The following NFIB variants were observed in gnomAD, a reference collection of about 807,000 sequenced individuals.
NFIB encodes nuclear factor 1 B-type.
A neutral mutation model predicts 61.5 loss-of-function variants in NFIB; 11 were observed. The observed-to-expected ratio is 0.18, with a 90% CI of 0.11 to 0.30. NFIB has a LOEUF of 0.30. NFIB is among the 10% of genes least tolerant of loss of function. The pLI, the probability that NFIB is intolerant of heterozygous loss-of-function variation, is 1.00. For missense variants in NFIB, 471 were observed against 608.9 expected, an observed-to-expected ratio of 0.77 and a Z score of 2.38; for synonymous variants, 260 against 216.5, an observed-to-expected ratio of 1.20 and a Z score of -1.76.
At chr9:14,278,375 G>C (rs2058148068) in intron 2 of NFIB, among the ~76,000 whole-genome samples, 2 of 152,208 alleles carry the variant, frequency 1.3e-5, no homozygotes, top group South Asian at 2.1e-4. Flanking sequence ...AGTTTATACA[G>C]CTGCTGTTAT....
At chr9:14,333,281 T>C (rs1281355788) in intron 1 of NFIB, among the ~76,000 whole-genome samples, 3 of 152,204 alleles carry the variant, frequency 2.0e-5, no homozygotes, top group Admixed American at 2.0e-4. Context: ...TTTGTGTGCA[T>C]AGAGAATAAA....
At chr9:14,260,860 T>C (rs1166181048) in intron 2 of NFIB, among the ~76,000 whole-genome samples, 1 of 152,152 alleles carries the variant, frequency 6.6e-6, no homozygotes, top group Non-Finnish European at 1.5e-5. Flanking sequence ...AGGCACTCAG[T>C]TCAGGGAGCT....
intron 6 of NFIB, among the ~76,000 whole-genome samples, chr9:14,135,091 T>TACAA (rs1270072632): frequency 6.6e-6 from 1 of 151,994 alleles, no homozygotes; most frequent in Non-Finnish European, 1.5e-5. Context: ...TACAATGAAA[T>TACAA]ACTAACAGAA....
intron 1 of NFIB, among the ~76,000 whole-genome samples, chr9:14,386,526 C>T (rs922958375): frequency 1.3e-5 from 2 of 152,126 alleles, no homozygotes; most frequent in African/African-American, 4.8e-5. Context: ...CAATAATTCC[C>T]ACATTATTTA....
intron 10 of NFIB, among the ~76,000 whole-genome samples, chr9:14,089,124 A>C (rs769576408): frequency 6.6e-6 from 1 of 152,096 alleles, no homozygotes; most frequent in Non-Finnish European, 1.5e-5. Context: ...ACTTACTTTT[A>C]GAGAGAGCCA....
At chr9:14,425,057 G>T in the NFIB span, among the ~76,000 whole-genome samples, 4 of 152,298 alleles carry the variant, frequency 2.6e-5, no homozygotes, top group Non-Finnish European at 5.9e-5. Flanking sequence ...AATTCCTACA[G>T]AAGGCCTTGG....
upstream of NFIB, among the ~76,000 whole-genome samples, chr9:14,315,886 G>T (rs978986253): frequency 2.0e-5 from 3 of 151,664 alleles, no homozygotes; most frequent in Admixed American, 1.3e-4. Flanking sequence ...GATCCGGGGG[G>T]CGCTGGGGCT....
At chr9:14,380,802 T>A (rs780243521) in intron 1 of NFIB, among the ~76,000 whole-genome samples, 3 of 151,548 alleles carry the variant, frequency 2.0e-5, no homozygotes, top group Non-Finnish European at 4.4e-5. Flanking sequence ...CTAAAAAGAG[T>A]CTCAGTGACT....
chr9:14,341,167 G>A (rs1027509665), intron 1 of NFIB, among the ~76,000 whole-genome samples: 12 of 152,166 alleles, frequency 7.9e-5, no homozygotes, highest in African/African-American at 1.9e-4. Context: ...GGCATCACAC[G>A]TTGTGGTCTT....
chr9:14,215,150 G>C (rs2050724224), intron 2 of NFIB, among the ~76,000 whole-genome samples: 1 of 141,866 alleles, frequency 7.0e-6, no homozygotes, highest in Non-Finnish European at 1.5e-5. Context: ...GCTTAGCAGA[G>C]CAAGAAATGG....
At position 14,082,660 on chromosome 9, in the gene NFIB, T is replaced by G. The variant is rs1442611981; in HGVS notation, c.*5649A>C. 1 of 194,108 alleles carries G rather than the reference T, an allele frequency of 5.2e-6. No homozygotes were observed. Among genetic ancestry groups the G allele is most frequent in the Non-Finnish European group, 1.0e-5 (1 of 96,712 alleles). The allele number at this position is 194,108 out of a possible 1,614,324, so 12.0% of individuals were successfully genotyped here. A position where few individuals can be genotyped will look rare whatever the true frequency, so the allele number is the denominator to read the frequency against. On this transcript the variant is annotated 3_prime_UTR_variant, in exon 11 of 11. Transcript: ENST00000380953. Reference sequence around the variant, plus strand: ...ATTTGTTTGAGTTTTTTGGTAAACATTTTGCTGGTTTTTTTTTTTTGTTTG... The same window carrying G: ...ATTTGTTTGAGTTTTTTGGTAAACAGTTTGCTGGTTTTTTTTTTTTGTTTG...
chr9:14,299,843 A>G (rs981177102), intron 2 of NFIB, among the ~76,000 whole-genome samples: 2 of 152,184 alleles, frequency 1.3e-5, no homozygotes, highest in Non-Finnish European at 2.9e-5. Flanking sequence ...CCATTTTAGA[A>G]CAATTAAATT....
chr9:14,344,665 T>C (rs554864160), intron 1 of NFIB, among the ~76,000 whole-genome samples: 1 of 152,248 alleles, frequency 6.6e-6, no homozygotes, highest in Non-Finnish European at 1.5e-5. Context: ...TTATACTGTT[T>C]TGTGTGTGAT....
In NFIB at chr9:14,116,295, C is replaced by G; in HGVS notation, c.1297G>C (p.Val433Leu). 1 of 1,539,562 alleles carries G rather than the reference C, an allele frequency of 6.5e-7. No homozygotes were observed. The highest frequency in any genetic ancestry group is 2.5e-5 in the East Asian group (1 of 40,294). ...CTGGGATGGGGAGAGGGTGCCAAGA[C>G]AGGAGTGAAATGGCCAGGCACTTTC... The part of the protein sequence containing the change: ...VGKVPGHFTP[V>L]LAPSPHPSAV... Residue 433 changes from valine to leucine, a missense_variant, in exon 9 of 11, where the codon GTC becomes CTC. Val to Leu is a conservative substitution (Grantham distance 32). Coordinates refer to ENST00000380953, the MANE Select transcript of NFIB (RefSeq NM_001190737.2).
In NFIB at chr9:14,299,866, T is replaced by A. The variant is rs550140304; in HGVS notation, c.562+7123A>T. The stretch of plus-strand genomic sequence containing the variant: ...GAACAATTAAATTTTGAAGGTTTTT[T>A]AAAAATGTGTGGCTTTCAATTCAGC... On this transcript the variant is annotated intron_variant, in intron 2 of 10. Transcript: ENST00000380953. 3.7e-4 allele frequency among the ~76,000 whole-genome samples: 56 copies of A among 152,326 alleles called. 1 individual carries two copies. In the South Asian group the frequency reaches 0.011, roughly 30 times the overall value.
chr9:14,511,339 ATCTT>A, the NFIB span, among the ~76,000 whole-genome samples: 1 of 152,038 alleles, frequency 6.6e-6, no homozygotes, highest in Non-Finnish European at 1.5e-5. Context: ...TTATAAAAGA[ATCTT>A]TATAATCTTT....
At chr9:14,116,435 G>A (rs1018962389) in intron 8 of NFIB, 89 bp from the exon 9 acceptor site, 2 of 1,300,938 alleles carry the variant, frequency 1.5e-6, no homozygotes, top group Non-Finnish European at 1.0e-6. Flanking sequence ...CGACTGTGTG[G>A]ATCCAGCACA....
the NFIB span, among the ~76,000 whole-genome samples, chr9:14,510,748 A>G: frequency 6.6e-6 from 1 of 152,218 alleles, no homozygotes; most frequent in Admixed American, 6.5e-5. Context: ...GAAACCAGAA[A>G]TCTTTATCTC....
chr9:14,485,632 T>C, the NFIB span, among the ~76,000 whole-genome samples: 1 of 152,226 alleles, frequency 6.6e-6, no homozygotes, highest in East Asian at 1.9e-4. Flanking sequence ...CCCAGCACTT[T>C]GAGAGGCCAA....
Sources: gnomAD v4.1 joint callset for allele counts (sites outside exome capture counted in the v4.1 genomes callset) on GRCh38, gnomAD v4.1.1 for gene constraint, MANE v1.5 for transcripts, NCBI Gene and HGNC (gene_info 2026-07-23, HGNC 2026-07-21) for gene names.